RABGAP1: variants seen among roughly 807,000 people sequenced by gnomAD.
The protein encoded by RABGAP1 is rab GTPase-activating protein 1.
In RABGAP1, 23 loss-of-function variants were observed where a neutral mutation model predicts 137.6. That is an observed-to-expected ratio of 0.17 (90% CI 0.12 to 0.24). The LOEUF (loss-of-function observed/expected upper bound fraction) is 0.24, where lower values mean the gene tolerates loss of function less well. Among genes scored for constraint, RABGAP1 ranks in the 10% least tolerant of loss-of-function variants. RABGAP1 has a pLI of 1.00. For synonymous variants in RABGAP1, 451 were observed against 450.7 expected (o/e 1.00, Z -0.01); for missense variants, 906 against 1,275.8 (o/e 0.71, Z 4.42).
intron 13 of RABGAP1, among the ~76,000 whole-genome samples, chr9:123,059,053 G>A (rs962510953): frequency 3.3e-5 from 5 of 152,336 alleles, no homozygotes; most frequent in Admixed American, 3.3e-4. Context: ...TACTTGTGAA[G>A]TGGTCAGTAT....
At chr9:123,018,217 A>T (rs1588277863) in intron 12 of RABGAP1, among the ~76,000 whole-genome samples, 2 of 152,284 alleles carry the variant, frequency 1.3e-5, no homozygotes, top group Middle Eastern at 6.8e-3. Flanking sequence ...GATGGTCCTG[A>T]TCTCCTGACC....
At chr9:122,978,125 T>C (rs1425856736) in intron 2 of RABGAP1, among the ~76,000 whole-genome samples, 2 of 145,572 alleles carry the variant, frequency 1.4e-5, no homozygotes, top group Non-Finnish European at 2.9e-5. Flanking sequence ...ACAGTCAAGA[T>C]GGGGAATACT....
intron 13 of RABGAP1, among the ~76,000 whole-genome samples, chr9:123,028,850 C>T (rs2032136136): frequency 6.6e-6 from 1 of 152,032 alleles, no homozygotes; most frequent in South Asian, 2.1e-4. Flanking sequence ...GCTTTGGTTT[C>T]CTTATCTGTA....
intron 13 of RABGAP1, among the ~76,000 whole-genome samples, chr9:123,024,096 A>G (rs1377061821): frequency 1.3e-5 from 2 of 152,210 alleles, no homozygotes; most frequent in Admixed American, 6.5e-5. Context: ...TCAGTAACAT[A>G]AAATACATAG....
At chr9:123,056,983 C>G (rs2033731458) in intron 13 of RABGAP1, among the ~76,000 whole-genome samples, 1 of 152,228 alleles carries the variant, frequency 6.6e-6, no homozygotes, top group South Asian at 2.1e-4. Context: ...TCTCAATGAG[C>G]TATTGGGTAC....
rs547742262 is a variant in RABGAP1, at chr9:123,032,865, A to G, written c.1794+12406A>G. Among the ~76,000 whole-genome samples, 3 of 152,334 alleles carry G rather than the reference A, an allele frequency of 2.0e-5. No homozygotes were observed. The South Asian group carries it at 6.2e-4, about 32-fold the overall frequency. ...GCAAGATTGTATATTCTAAGATACA[A>G]AGGCTTATTTGTACCATGAAACTTC... On this transcript the variant is annotated intron_variant, in intron 13 of 25. Transcript: ENST00000373647.
intron 22 of RABGAP1, 23 bp from the exon 23 acceptor site, chr9:123,098,692 C>T (rs2035255978): frequency 1.2e-6 from 2 of 1,602,506 alleles, no homozygotes; most frequent in Admixed American, 3.4e-5. Context: ...AACATAGTCC[C>T]TTTTGTTTTT....
intron 2 of RABGAP1, among the ~76,000 whole-genome samples, chr9:122,969,244 A>G (rs1473340930): frequency 6.6e-6 from 1 of 152,234 alleles, no homozygotes; most frequent in African/African-American, 2.4e-5. Context: ...GTAACAGGCT[A>G]TACCATACAG....
At chr9:123,057,098 C>T (rs373397810) in intron 13 of RABGAP1, among the ~76,000 whole-genome samples, 79,135 of 135,998 alleles carry the variant, frequency 0.58, 27,435 homozygotes, top group Non-Finnish European at 0.81. Context: ...GCTGGCCGGG[C>T]GGGGGGCTGA....
intron 19 of RABGAP1, among the ~76,000 whole-genome samples, chr9:123,079,394 T>C (rs1024687721): frequency 3.9e-5 from 6 of 151,982 alleles, no homozygotes; most frequent in African/African-American, 1.2e-4. Flanking sequence ...TGCACCACCA[T>C]GCCCAGCCAC....
At chr9:123,100,112 G>A (rs922585530) in intron 24 of RABGAP1, among the ~76,000 whole-genome samples, 1 of 152,080 alleles carries the variant, frequency 6.6e-6, no homozygotes, top group Non-Finnish European at 1.5e-5. Context: ...GCACCATTGC[G>A]CCCAGTTTAG....
chr9:123,033,605 TC>T lies in RABGAP1; in HGVS notation c.1794+13150del, dbSNP rs1263504801. On this transcript the variant is annotated intron_variant, in intron 13 of 25. Transcript: ENST00000373647. ...TCCCAAGCCCCCTCTTCTCCCTGTT[TC>T]CCCTCCTACTCCTTTATCTCCTCCC... 8 of 152,220 alleles carry T rather than the reference TC, an allele frequency of 5.3e-5. No homozygotes were observed. In the East Asian group the frequency reaches 1.5e-3, roughly 29 times the overall value. 9.4% of individuals were successfully genotyped at this position (152,220 alleles called of 1,614,324 possible). A position where few individuals can be genotyped will look rare whatever the true frequency, so the allele number is the denominator to read the frequency against.
intron 18 of RABGAP1, 116 bp downstream of exon 18, chr9:123,076,402 G>C: frequency 8.0e-7 from 1 of 1,251,100 alleles, no homozygotes. Flanking sequence ...CATGACAGTG[G>C]ATGTATGCAG....
At chr9:123,032,411 A>G (rs1410626962) in intron 13 of RABGAP1, among the ~76,000 whole-genome samples, 1 of 152,190 alleles carries the variant, frequency 6.6e-6, no homozygotes, top group African/African-American at 2.4e-5. Context: ...GTTTCCCAAT[A>G]AGACCTGTCA....
Position 123,022,764 on chromosome 9 carries a change from G to T in RABGAP1, c.1794+2305G>T, listed in dbSNP as rs116046339. On this transcript the variant is annotated intron_variant, in intron 13 of 25. Transcript: ENST00000373647. ...ATTGCTAGTAGATGATCAGAAAATA[G>T]AAATTATTTAACCACCATAATATTT... 8.8e-3 allele frequency among the ~76,000 whole-genome samples: 1,338 copies of T among 152,164 alleles called. 15 individuals are homozygous for T. The highest frequency in any genetic ancestry group is 0.03 in the African/African-American group (1,264 of 41,502).
chr9:122,980,833 CT>C (rs1588207784), intron 2 of RABGAP1, among the ~76,000 whole-genome samples: 1 of 152,136 alleles, frequency 6.6e-6, no homozygotes, highest in Non-Finnish European at 1.5e-5. Flanking sequence ...AATGTAGATT[CT>C]TGGGGCCCAT....
chr9:123,075,443 A>T (rs985816246), intron 17 of RABGAP1, among the ~76,000 whole-genome samples: 3 of 152,228 alleles, frequency 2.0e-5, no homozygotes, highest in African/African-American at 7.2e-5. Context: ...ACAAAAATTC[A>T]TAAAGAATTT....
rs527709671 is a variant in RABGAP1, at chr9:122,968,249, G to A, written c.150+11040G>A. On this transcript the variant is annotated intron_variant, in intron 2 of 25. Transcript: ENST00000373647. ...TTTTTTTTTTTTTTTTTGAGGTGGA[G>A]TCTGGCTCTGTTGCCCAGGCTGCAG... is the stretch of plus-strand genomic sequence containing the variant. Among the ~76,000 whole-genome samples, 11 of 134,624 alleles carry A rather than the reference G, an allele frequency of 8.2e-5. No individual in the cohort carries two copies. The South Asian group carries it at 2.6e-3, about 32-fold the overall frequency. The allele number at this position is 134,624 out of a possible 152,430, so 88.3% of individuals were successfully genotyped here.
intron 2 of RABGAP1, among the ~76,000 whole-genome samples, chr9:122,957,598 T>C (rs993309135): frequency 4.6e-5 from 7 of 152,150 alleles, no homozygotes; most frequent in Non-Finnish European, 8.8e-5. Context: ...GAAACAACTT[T>C]AAATACCTGG....
Sources: allele counts gnomAD v4.1 joint callset (sites outside exome capture counted in the v4.1 genomes callset), GRCh38; gene constraint gnomAD v4.1.1; transcripts MANE v1.5; gene names NCBI Gene and HGNC (gene_info 2026-07-23, HGNC 2026-07-21).